WDPCP: variants seen among roughly 807,000 people sequenced by gnomAD.
WDPCP encodes WD repeat-containing and planar cell polarity effector protein fritz homolog.
A neutral mutation model predicts 93.1 loss-of-function variants in WDPCP; 71 were observed. The observed-to-expected ratio is 0.76, with a 90% CI of 0.63 to 0.93. WDPCP has a LOEUF of 0.93. Among genes scored for constraint, WDPCP ranks in the 40% least tolerant of loss-of-function variants. WDPCP has a pLI of 0.00. For missense variants in WDPCP, 844 were observed against 887.4 expected (o/e 0.95, Z 0.62); for synonymous variants, 315 against 315.0 (o/e 1.00, Z 0.00).
At chr2:63,497,414 G>C (rs949593694) in intron 1 of WDPCP, among the ~76,000 whole-genome samples, 1 of 152,118 alleles carries the variant, frequency 6.6e-6, no homozygotes, top group African/African-American at 2.4e-5. Context: ...GATTAAGGAG[G>C]GGGCTTTGCA....
intron 14 of WDPCP, among the ~76,000 whole-genome samples, chr2:63,187,301 T>C (rs1263480998): frequency 6.6e-6 from 1 of 152,072 alleles, no homozygotes; most frequent in East Asian, 1.9e-4. Flanking sequence ...CCTATTTTTA[T>C]TTTTTTTATC....
At chr2:63,572,863 C>G (rs1203392703) in intron 1 of WDPCP, among the ~76,000 whole-genome samples, 1 of 151,748 alleles carries the variant, frequency 6.6e-6, no homozygotes, top group African/African-American at 2.4e-5. Context: ...AAAAGTTATG[C>G]CCAACTTAAA....
intron 2 of WDPCP, among the ~76,000 whole-genome samples, chr2:63,729,937 T>C (rs2103819571): frequency 6.6e-6 from 1 of 152,352 alleles, no homozygotes; most frequent in South Asian, 2.1e-4. Flanking sequence ...TGCTCATTTT[T>C]CTACTTGGTG....
chr2:63,569,344 G>C (rs947116945), intron 1 of WDPCP, among the ~76,000 whole-genome samples: 2 of 152,202 alleles, frequency 1.3e-5, no homozygotes, highest in African/African-American at 4.8e-5. Context: ...GGATCTGTAG[G>C]TGATTCAAAA....
intron 2 of WDPCP, among the ~76,000 whole-genome samples, chr2:63,655,296 C>G (rs2106634794): frequency 6.6e-6 from 1 of 152,242 alleles, no homozygotes; most frequent in South Asian, 2.1e-4. Context: ...TTACCCCCTT[C>G]CCTTTCTCCA....
At chr2:63,308,433 C>T (rs753059457) in intron 13 of WDPCP, among the ~76,000 whole-genome samples, 2 of 152,184 alleles carry the variant, frequency 1.3e-5, no homozygotes, top group South Asian at 2.1e-4. Flanking sequence ...ACTATAAAGA[C>T]ATATGCACAC....
chr2:63,448,952 A>G (rs1009493707), intron 6 of WDPCP, among the ~76,000 whole-genome samples: 5 of 152,198 alleles, frequency 3.3e-5, no homozygotes, highest in African/African-American at 7.2e-5. Flanking sequence ...CACAGTGGCT[A>G]AAGTTAATAA....
chr2:63,379,245 G>A (rs1285890780), intron 11 of WDPCP, among the ~76,000 whole-genome samples: 1 of 152,132 alleles, frequency 6.6e-6, no homozygotes, highest in Non-Finnish European at 1.5e-5. Context: ...TACCATAATG[G>A]TGAGAGTAAG....
intron 2 of WDPCP, among the ~76,000 whole-genome samples, chr2:63,489,562 A>T (rs916244187): frequency 7.8e-4 from 119 of 152,224 alleles, no homozygotes; most frequent in African/African-American, 2.8e-3. Context: ...TAGGGAAAGG[A>T]AATTACAACA....
chr2:63,769,040 T>G (rs1222884228), intron 2 of WDPCP, among the ~76,000 whole-genome samples: 8 of 152,006 alleles, frequency 5.3e-5, no homozygotes, highest in Admixed American at 4.6e-4. Context: ...GAAGAACTAC[T>G]CTGAGTTTGA....
chr2:63,419,277 G>A (rs1695666019), intron 9 of WDPCP, among the ~76,000 whole-genome samples: 1 of 151,984 alleles, frequency 6.6e-6, no homozygotes, highest in Admixed American at 6.6e-5. Context: ...GAGTAGCTGG[G>A]ATTACAGGCA....
At chr2:63,445,164 G>A (rs1166385567) in intron 6 of WDPCP, among the ~76,000 whole-genome samples, 3 of 87,910 alleles carry the variant, frequency 3.4e-5, no homozygotes, top group Non-Finnish European at 7.9e-5. Flanking sequence ...AAAAAAACAC[G>A]TAAGTGCCTC....
chr2:63,198,019 TC>T (rs1192820278), intron 14 of WDPCP, among the ~76,000 whole-genome samples: 3 of 152,222 alleles, frequency 2.0e-5, no homozygotes, highest in Non-Finnish European at 2.9e-5. Flanking sequence ...GGAAGGGTTC[TC>T]CCATTTACAG....
intron 6 of WDPCP, among the ~76,000 whole-genome samples, chr2:63,478,095 G>A (rs1156828082): frequency 6.6e-6 from 1 of 152,076 alleles, no homozygotes; most frequent in African/African-American, 2.4e-5. Context: ...GACAAAGAGT[G>A]ACATTATATA....
intron 1 of WDPCP, among the ~76,000 whole-genome samples, chr2:63,545,371 A>G (rs763913163): frequency 4.4e-4 from 67 of 151,352 alleles, no homozygotes; most frequent in Non-Finnish European, 2.1e-4. Flanking sequence ...GAGAGGAGGG[A>G]GAGAAAGAGA....
At chr2:63,796,771 G>A (rs1474211743) in intron 2 of WDPCP, among the ~76,000 whole-genome samples, 16 of 152,150 alleles carry the variant, frequency 1.1e-4, no homozygotes, top group East Asian at 1.9e-4. Context: ...AGTCTAGGCC[G>A]CAAGGACTCC....
chr2:63,697,162 A>T (rs1161624147), intron 2 of WDPCP, among the ~76,000 whole-genome samples: 2 of 152,152 alleles, frequency 1.3e-5, no homozygotes, highest in African/African-American at 2.4e-5. Context: ...TAGTAGTTGT[A>T]GTAGTGTGGG....
At chr2:63,813,141 C>T (rs1424203002) in intron 2 of WDPCP, among the ~76,000 whole-genome samples, 1 of 152,140 alleles carries the variant, frequency 6.6e-6, no homozygotes, top group Non-Finnish European at 1.5e-5. Flanking sequence ...AGGCATGAGC[C>T]ACCATGCTCA....
At chr2:63,156,157 AC>A in intron 15 of WDPCP, among the ~76,000 whole-genome samples, 1 of 150,176 alleles carries the variant, frequency 6.7e-6, no homozygotes, top group South Asian at 2.1e-4. Flanking sequence ...GTGCCACCAC[AC>A]CCGGCTAATT....
Sources: gnomAD v4.1 joint callset for allele counts (sites outside exome capture counted in the v4.1 genomes callset) on GRCh38, gnomAD v4.1.1 for gene constraint, MANE v1.5 for transcripts, NCBI Gene and HGNC (gene_info 2026-07-23, HGNC 2026-07-21) for gene names.